The following APLF variants were observed in gnomAD, a reference collection of about 807,000 sequenced individuals.
The protein encoded by APLF is aprataxin and PNKP like factor.
APLF carries 61 observed loss-of-function variants against 55.6 expected under a neutral mutation model. The ratio of observed to expected loss-of-function variants is 1.10; its 90% CI spans 0.89 to 1.36. The LOEUF (loss-of-function observed/expected upper bound fraction) is 1.36. APLF is among the 40% of genes most tolerant of loss of function. The pLI is 0.00. For missense variants in APLF, 611 were observed against 602.5 expected (o/e 1.01, Z -0.15); for synonymous variants, 207 against 214.8 (o/e 0.96, Z 0.32).
rs570706360 is a variant in APLF at position 68,488,973 on chromosome 2, AAT to A, written c.97-1215_97-1214del. On this transcript the variant is annotated intron_variant, in intron 1 of 9. Coordinates refer to ENST00000303795, the MANE Select transcript of APLF (RefSeq NM_173545.3). The stretch of plus-strand genomic sequence containing the variant: ...TGTACCCTAAAACTTAAAGTATAAT[AAT>A]AAAAAAAAAGGTACAATCTGGGAAA... Among the ~76,000 whole-genome samples, 483 of 152,218 alleles carry A rather than the reference AAT, an allele frequency of 3.2e-3. 4 individuals are homozygous for A. Among genetic ancestry groups the A allele is most frequent in the African/African-American group, 0.011 (449 of 41,494 alleles).
chr2:68,531,209 TAAAAAG>T (rs1459264782), intron 6 of APLF: 1 of 152,108 alleles, frequency 6.6e-6, no homozygotes, highest in East Asian at 1.9e-4. Flanking sequence ...TGGAAGTACT[TAAAAAG>T]AGAGAGAAAG....
In APLF at chr2:68,490,215, G is replaced by C. The variant is rs1365701765; in HGVS notation, c.122G>C (p.Arg41Thr). Residue 41 changes from arginine (R) to threonine (T), a missense_variant, in exon 2 of 10, where the codon AGA becomes ACA. Transcript: ENST00000303795. ...ATAACAGACAAGAGAGTATCCAGAA[G>C]ACATGCCATTCTTGAGGTGGCAGGT... The part of the protein sequence containing the change: ...LGITDKRVSR[R>T]HAILEVAGGQ... The C allele has an allele frequency of 1.2e-6, 2 of 1,612,016 alleles. No homozygotes were observed. Among genetic ancestry groups the C allele is most frequent in the Non-Finnish European group, 1.7e-6 (2 of 1,179,406 alleles).
intron 5 of APLF, among the ~76,000 whole-genome samples, chr2:68,524,265 A>G (rs796702377): frequency 3.3e-5 from 5 of 152,368 alleles, no homozygotes; most frequent in African/African-American, 1.2e-4. Flanking sequence ...GAATATTTAA[A>G]TAATTTAGTT....
intron 7 of APLF, among the ~76,000 whole-genome samples, chr2:68,544,384 A>G (rs1418566218): frequency 6.6e-6 from 1 of 152,126 alleles, no homozygotes; most frequent in Non-Finnish European, 1.5e-5. Flanking sequence ...GCCACAAGTT[A>G]TGTGTTGTTG....
At chr2:68,538,539 T>C (rs1218401406) in intron 7 of APLF, among the ~76,000 whole-genome samples, 1 of 136,570 alleles carries the variant, frequency 7.3e-6, no homozygotes, top group African/African-American at 2.6e-5. Flanking sequence ...AGTCTTTTCT[T>C]AAATATTAGA....
chr2:68,518,383 A>C (rs1280432365), intron 5 of APLF, among the ~76,000 whole-genome samples: 1 of 103,754 alleles, frequency 9.6e-6, no homozygotes, highest in African/African-American at 5.0e-5. Flanking sequence ...TGACTGTATT[A>C]TATTATTAAT....
chr2:68,518,808 A>ATG (rs1371364779), intron 5 of APLF, among the ~76,000 whole-genome samples: 1 of 101,444 alleles, frequency 9.9e-6, no homozygotes, highest in Non-Finnish European at 1.9e-5. Flanking sequence ...AATCTATCAT[A>ATG]TAATAAAATA....
At chr2:68,528,191 C>T (rs906463523) in intron 6 of APLF, 2 of 819,694 alleles carry the variant, frequency 2.4e-6, no homozygotes, top group South Asian at 3.1e-5. Flanking sequence ...GATCCGCCCA[C>T]CTGGGCCTCC....
chr2:68,473,630 CAGCAATG>C (rs1163960019), intron 1 of APLF, among the ~76,000 whole-genome samples: 1 of 152,182 alleles, frequency 6.6e-6, no homozygotes, highest in African/African-American at 2.4e-5. Flanking sequence ...GCATTCCCAC[CAGCAATG>C]AGTGACAGTT....
chr2:68,537,277 CTT>C (rs1670419161), intron 6 of APLF, among the ~76,000 whole-genome samples: 1 of 150,112 alleles, frequency 6.7e-6, no homozygotes, highest in Non-Finnish European at 1.5e-5. Flanking sequence ...AATGTCTTCT[CTT>C]ATATTTTATT....
intron 1 of APLF, among the ~76,000 whole-genome samples, chr2:68,478,512 CT>C (rs1396429188): frequency 6.6e-6 from 1 of 152,082 alleles, no homozygotes; most frequent in Non-Finnish European, 1.5e-5. Context: ...GGTAAAAGAT[CT>C]AAAGCTCGAG....
At position 68,578,217 on chromosome 2, in the gene APLF, G is replaced by T; in HGVS notation, c.*195G>T. 7.5e-7 allele frequency: 1 copy of T among 1,326,084 alleles called. No homozygotes were observed. Among genetic ancestry groups the T allele is most frequent in the Non-Finnish European group, 9.6e-7 (1 of 1,037,592 alleles). The allele number at this position is 1,326,084 out of a possible 1,614,324, so 82.1% of individuals were successfully genotyped here. On this transcript the variant is annotated 3_prime_UTR_variant, in exon 10 of 10. Transcript: ENST00000303795. ...AATAGATGGAATTTTTTGTTGCCTT[G>T]CCTTTTCTTTCCTACTTAAAGCATC...
chr2:68,471,473 A>G (rs36094381), intron 1 of APLF, among the ~76,000 whole-genome samples: 1 of 152,222 alleles, frequency 6.6e-6, no homozygotes, highest in African/African-American at 2.4e-5. Context: ...AGACAAATAA[A>G]CAAGTATTAG....
At chr2:68,532,900 CTG>C (rs1670295634) in intron 6 of APLF, among the ~76,000 whole-genome samples, 10 of 152,238 alleles carry the variant, frequency 6.6e-5, no homozygotes, top group Admixed American at 6.5e-4. Context: ...TATGAGGGCT[CTG>C]TGCTCATGAA....
intron 8 of APLF, among the ~76,000 whole-genome samples, chr2:68,553,621 A>C (rs1470835823): frequency 6.6e-6 from 1 of 152,106 alleles, no homozygotes; most frequent in Non-Finnish European, 1.5e-5. Context: ...CACAGAAAAA[A>C]ATATTGAAGT....
chr2:68,576,351 A>G (rs952917617), intron 9 of APLF, among the ~76,000 whole-genome samples: 1 of 152,170 alleles, frequency 6.6e-6, no homozygotes, highest in Non-Finnish European at 1.5e-5. Flanking sequence ...GATTAGACAT[A>G]AAACATGCCC....
At chr2:68,518,174 A>C (rs181615240) in intron 5 of APLF, among the ~76,000 whole-genome samples, 9,170 of 121,808 alleles carry the variant, frequency 0.075, 1,015 homozygotes, top group African/African-American at 0.25. Flanking sequence ...TAGTAATATA[A>C]TATATTATCA....
chr2:68,478,483 C>T (rs1274741028), intron 1 of APLF, among the ~76,000 whole-genome samples: 1 of 152,114 alleles, frequency 6.6e-6, no homozygotes, highest in Non-Finnish European at 1.5e-5. Context: ...CATTATGTGA[C>T]AACTTAAAGC....
chr2:68,514,570 A>G (rs1258587764), intron 5 of APLF, among the ~76,000 whole-genome samples: 2 of 151,758 alleles, frequency 1.3e-5, no homozygotes, highest in Non-Finnish European at 2.9e-5. Context: ...GGCCCCATAC[A>G]AATGTAGTTT....
Sources: gnomAD v4.1 joint callset for allele counts (sites outside exome capture counted in the v4.1 genomes callset) on GRCh38, gnomAD v4.1.1 for gene constraint, MANE v1.5 for transcripts, NCBI Gene and HGNC (gene_info 2026-07-23, HGNC 2026-07-21) for gene names.